The following MAD1L1 variants were observed in gnomAD, a reference collection of about 807,000 sequenced individuals.
The protein encoded by MAD1L1 is mitotic arrest deficient 1 like 1.
Under a neutral mutation model 96.9 loss-of-function variants are expected in MAD1L1, and 95 were observed. The ratio of observed to expected loss-of-function variants is 0.98; its 90% confidence interval spans 0.83 to 1.16. MAD1L1 has a LOEUF of 1.16. Ranked by LOEUF, MAD1L1 falls within the 50% of genes most tolerant of loss-of-function variation. The pLI is 0.00. For missense variants in MAD1L1, 1,007 were observed against 954.4 expected, an observed-to-expected ratio of 1.06 and a Z score of -0.73; for synonymous variants, 473 against 396.6, an observed-to-expected ratio of 1.19 and a Z score of -2.29.
At chr7:1,839,985 C>T (rs1258963368) in intron 18 of MAD1L1, among the ~76,000 whole-genome samples, 1 of 152,236 alleles carries the variant, frequency 6.6e-6, no homozygotes, top group Non-Finnish European at 1.5e-5. Flanking sequence ...GGAGCAGGAC[C>T]CCCGCATTAC....
chr7:2,187,924 AACTC>A (rs1791537024), intron 10 of MAD1L1, among the ~76,000 whole-genome samples: 1 of 152,252 alleles, frequency 6.6e-6, no homozygotes, highest in Admixed American at 6.5e-5. Flanking sequence ...ACAATAATAA[AACTC>A]AAGCTGCCAA....
At chr7:2,167,508 C>T (rs1449740064) in intron 10 of MAD1L1, among the ~76,000 whole-genome samples, 1 of 151,948 alleles carries the variant, frequency 6.6e-6, no homozygotes, top group Non-Finnish European at 1.5e-5. Context: ...GAGATCACGC[C>T]ACTGCACTCC....
chr7:1,963,351 C>T (rs879782037), intron 15 of MAD1L1, among the ~76,000 whole-genome samples: 4 of 152,178 alleles, frequency 2.6e-5, no homozygotes, highest in Admixed American at 1.3e-4. Context: ...GGACCAACGC[C>T]ATGCCCAGAA....
chr7:1,993,377 C>T (rs924603007), intron 14 of MAD1L1, among the ~76,000 whole-genome samples: 4 of 152,224 alleles, frequency 2.6e-5, no homozygotes, highest in Admixed American at 2.0e-4. Flanking sequence ...TGCAAGAGGA[C>T]TGGCAGGAAC....
chr7:2,120,020 T>A (rs369119753), intron 11 of MAD1L1, among the ~76,000 whole-genome samples: 17 of 152,280 alleles, frequency 1.1e-4, no homozygotes, highest in African/African-American at 3.9e-4. Context: ...ATGCTCTCCA[T>A]CCTCAGATCA....
At chr7:2,222,094 G>C (rs1327540054) in intron 5 of MAD1L1, among the ~76,000 whole-genome samples, 1 of 144,808 alleles carries the variant, frequency 6.9e-6, no homozygotes, top group African/African-American at 2.6e-5. Context: ...TTTTTTTTGA[G>C]ACAGAGTCTT....
intron 12 of MAD1L1, 38 bp downstream of exon 12, chr7:2,069,156 C>T: frequency 1.3e-6 from 2 of 1,529,166 alleles, no homozygotes; most frequent in Non-Finnish European, 1.8e-6. Flanking sequence ...ACCCGCAGCT[C>T]CCTGCGACTC....
intron 18 of MAD1L1, chr7:1,848,795 C>G (rs1359965931): frequency 6.5e-6 from 1 of 154,380 alleles, no homozygotes; most frequent in Non-Finnish European, 1.5e-5. Context: ...GACTGTGCTG[C>G]CCACAGCATC....
chr7:1,892,031 C>T (rs1196759085), intron 18 of MAD1L1, among the ~76,000 whole-genome samples: 1 of 152,230 alleles, frequency 6.6e-6, no homozygotes, highest in Non-Finnish European at 1.5e-5. Flanking sequence ...GAGCACCCGC[C>T]AGCCCTGCGA....
At chr7:1,942,231 T>A (rs1255378587) in intron 16 of MAD1L1, among the ~76,000 whole-genome samples, 1 of 152,154 alleles carries the variant, frequency 6.6e-6, no homozygotes, top group Admixed American at 6.5e-5. Context: ...AGGAGCCTCC[T>A]GGGCCAACAC....
intron 11 of MAD1L1, among the ~76,000 whole-genome samples, chr7:2,095,430 C>T (rs1256986132): frequency 1.3e-5 from 2 of 152,226 alleles, no homozygotes; most frequent in African/African-American, 4.8e-5. Flanking sequence ...CCTTTATCCA[C>T]ACACCCTTAA....
At chr7:2,209,117 G>A (rs1033769510) in intron 10 of MAD1L1, among the ~76,000 whole-genome samples, 17 of 152,230 alleles carry the variant, frequency 1.1e-4, no homozygotes, top group Non-Finnish European at 2.2e-4. Context: ...GCGTGAACCC[G>A]TGTGCTGCAC....
intron 10 of MAD1L1, among the ~76,000 whole-genome samples, chr7:2,192,152 T>TG (rs1343183843): frequency 6.6e-6 from 1 of 151,804 alleles, no homozygotes; most frequent in Non-Finnish European, 1.5e-5. Context: ...TTTTTTGAGA[T>TG]GGAGTTTTGT....
intron 7 of MAD1L1, among the ~76,000 whole-genome samples, chr7:2,216,533 G>A (rs1054789858): frequency 6.6e-6 from 1 of 152,102 alleles, no homozygotes; most frequent in Non-Finnish European, 1.5e-5. Flanking sequence ...ACACTCTAAT[G>A]GCAAATATAG....
chr7:2,057,135 C>G (rs529833398), intron 12 of MAD1L1, among the ~76,000 whole-genome samples: 1 of 152,380 alleles, frequency 6.6e-6, no homozygotes, highest in South Asian at 2.1e-4. Context: ...CCAGCCCCAC[C>G]TAGAGAGGGG....
intron 12 of MAD1L1, among the ~76,000 whole-genome samples, chr7:2,017,797 C>T (rs1307120731): frequency 5.3e-5 from 8 of 152,168 alleles, no homozygotes; most frequent in Non-Finnish European, 8.8e-5. Flanking sequence ...GAGACAGATT[C>T]CCAAAGAGGC....
rs988309624 is a variant in MAD1L1, at chr7:1,862,952, C to T, written c.1998+35248G>A. Reference sequence around the variant, plus strand: ...GGTCCCATGGGCACTAGACTGAGTCCGTGTCTTCAGGGGATCAGACAAGTC... The same window carrying T: ...GGTCCCATGGGCACTAGACTGAGTCTGTGTCTTCAGGGGATCAGACAAGTC... On this transcript the variant is annotated intron_variant, in intron 18 of 18. Coordinates refer to ENST00000265854, the MANE Select transcript of MAD1L1 (RefSeq NM_001013836.2). 2.0e-5 allele frequency among the ~76,000 whole-genome samples: 3 copies of T among 152,368 alleles called. No individual in the cohort carries two copies. In the East Asian group the frequency reaches 5.8e-4, roughly 29 times the overall value.
intron 14 of MAD1L1, among the ~76,000 whole-genome samples, chr7:1,987,492 C>G (rs992240771): frequency 6.6e-6 from 1 of 152,060 alleles, no homozygotes; most frequent in Non-Finnish European, 1.5e-5. Context: ...ACACAAGCCC[C>G]GGAGTCTGCT....
chr7:2,225,190 G>C (rs1262375167), intron 4 of MAD1L1, among the ~76,000 whole-genome samples: 1 of 149,784 alleles, frequency 6.7e-6, no homozygotes, highest in Non-Finnish European at 1.5e-5. Context: ...CAGGCTTCCA[G>C]CCAGCTGGGT....
Sources: allele counts gnomAD v4.1 joint callset (sites outside exome capture counted in the v4.1 genomes callset), GRCh38; gene constraint gnomAD v4.1.1; transcripts MANE v1.5; gene names NCBI Gene and HGNC (gene_info 2026-07-23, HGNC 2026-07-21).